Variants in ZFAND3 observed in about 807,000 individuals in gnomAD.
ZFAND3 encodes the protein zinc finger AN1-type containing 3.
A neutral mutation model predicts 29.6 loss-of-function variants in ZFAND3; 10 were observed. That is an observed-to-expected ratio of 0.34 (90% confidence interval 0.21 to 0.57). ZFAND3 has a LOEUF of 0.57. Among genes scored for constraint, ZFAND3 ranks in the 20% least tolerant of loss-of-function variants. The pLI, the probability that ZFAND3 is intolerant of heterozygous loss-of-function variation, is 0.86. For missense variants in ZFAND3, 230 were observed against 304.5 expected (o/e 0.76, Z 1.82); for synonymous variants, 128 against 112.6 (o/e 1.14, Z -0.87).
intron 1 of ZFAND3, among the ~76,000 whole-genome samples, chr6:37,835,835 C>G (rs1484805778): frequency 1.3e-5 from 2 of 152,182 alleles, no homozygotes; most frequent in Non-Finnish European, 2.9e-5. Context: ...TCCAAATGAG[C>G]ATATACATTT....
chr6:38,025,229 A>G (rs1763425017), intron 2 of ZFAND3, among the ~76,000 whole-genome samples: 1 of 152,216 alleles, frequency 6.6e-6, no homozygotes, highest in South Asian at 2.1e-4. Flanking sequence ...GGAATTCACA[A>G]GTCACATACT....
At chr6:38,082,335 C>CTA in intron 3 of ZFAND3, 57 bp from the exon 4 acceptor site, 1 of 1,482,658 alleles carries the variant, frequency 6.7e-7, no homozygotes, top group Admixed American at 1.9e-5. Flanking sequence ...AGGAAAGCAA[C>CTA]TATATGGGCA....
chr6:37,968,765 A>G (rs1762335123), intron 2 of ZFAND3, among the ~76,000 whole-genome samples: 1 of 152,048 alleles, frequency 6.6e-6, no homozygotes, highest in Admixed American at 6.5e-5. Flanking sequence ...CCTGGTCTCA[A>G]TTAAGTGATC....
chr6:38,006,531 G>A (rs1763052026), intron 2 of ZFAND3, among the ~76,000 whole-genome samples: 3 of 152,036 alleles, frequency 2.0e-5, no homozygotes, highest in Non-Finnish European at 4.4e-5. Flanking sequence ...ATGCAGCTAA[G>A]CATGGCTTCT....
At chr6:37,864,677 GTGTATATA>G (rs201046244) in intron 1 of ZFAND3, among the ~76,000 whole-genome samples, 2,173 of 152,014 alleles carry the variant, frequency 0.014, 42 homozygotes, top group African/African-American at 0.048. Context: ...GTGTATATGT[GTGTATATA>G]TGTATATATG....
At position 37,929,942 on chromosome 6, in the gene ZFAND3, C is replaced by A; in HGVS notation, c.72-17C>A. On this transcript the variant is annotated splice_polypyrimidine_tract_variant and intron_variant, in intron 1 of 5. Transcript: ENST00000287218. ...TTTTTAGCTCTTCTTTCTTTCTTTT[C>A]TTTTTGTTTGCCCCAGGTCCAGCAA... 1 of 1,585,064 alleles carries A rather than the reference C, an allele frequency of 6.3e-7. No individual in the cohort carries two copies. The highest frequency in any genetic ancestry group is 2.3e-5 in the East Asian group (1 of 44,434).
intron 1 of ZFAND3, among the ~76,000 whole-genome samples, chr6:37,883,409 C>T (rs1457844291): frequency 6.6e-6 from 1 of 152,144 alleles, no homozygotes; most frequent in Non-Finnish European, 1.5e-5. Context: ...GGATGGCCCC[C>T]ACCCCCTACC....
chr6:38,026,452 CAA>C (rs1245645235), intron 2 of ZFAND3, among the ~76,000 whole-genome samples: 2 of 91,262 alleles, frequency 2.2e-5, no homozygotes, highest in African/African-American at 9.1e-5. Context: ...TTTTTTGAGA[CAA>C]GAGTCTCACT....
intron 5 of ZFAND3, 145 bp from the exon 6 acceptor site, chr6:38,152,090 C>T (rs562084278): frequency 8.2e-6 from 6 of 730,578 alleles, no homozygotes; most frequent in Non-Finnish European, 2.1e-6. Context: ...GGAGTGAGCT[C>T]TCTGCTGCAT....
At chr6:38,006,384 A>T (rs1303499839) in intron 2 of ZFAND3, among the ~76,000 whole-genome samples, 1 of 152,166 alleles carries the variant, frequency 6.6e-6, no homozygotes, top group African/African-American at 2.4e-5. Context: ...TCTTTTTTAT[A>T]AAAAAATGTG....
intron 2 of ZFAND3, among the ~76,000 whole-genome samples, chr6:38,020,081 A>G (rs1193668002): frequency 2.6e-5 from 4 of 152,218 alleles, no homozygotes; most frequent in African/African-American, 7.2e-5. Flanking sequence ...ATGGGCCTGC[A>G]TGGCATAGAC....
At position 37,992,792 on chromosome 6, in the gene ZFAND3, C is replaced by T. The variant is rs572513635; in HGVS notation, c.112+62793C>T. Among the ~76,000 whole-genome samples, 25 of 152,150 alleles carry T rather than the reference C, an allele frequency of 1.6e-4. No individual in the cohort carries two copies. The East Asian group carries it at 2.1e-3, about 13-fold the overall frequency. ...ATTATGTCTCTCTTATTTTCATCTA[C>T]GCTGGTTCCTTTGACAAATTTTGGT... On this transcript the variant is annotated intron_variant, in intron 2 of 5. Coordinates refer to ENST00000287218, the MANE Select transcript of ZFAND3 (RefSeq NM_021943.3).
At chr6:37,962,013 A>G (rs946012372) in intron 2 of ZFAND3, among the ~76,000 whole-genome samples, 3 of 152,222 alleles carry the variant, frequency 2.0e-5, no homozygotes, top group Admixed American at 2.0e-4. Context: ...AAATCAACTA[A>G]ATAAGGCACC....
At chr6:37,822,779 C>A (rs1476870509) in intron 1 of ZFAND3, among the ~76,000 whole-genome samples, 1 of 152,106 alleles carries the variant, frequency 6.6e-6, no homozygotes, top group African/African-American at 2.4e-5. Flanking sequence ...GGCAGTGGGA[C>A]TAACATGGGT....
chr6:37,907,514 T>C (rs1194019575), intron 1 of ZFAND3, among the ~76,000 whole-genome samples: 1 of 152,340 alleles, frequency 6.6e-6, no homozygotes, highest in East Asian at 1.9e-4. Context: ...CTTCTCTCAC[T>C]GAACGTGTTT....
intron 2 of ZFAND3, among the ~76,000 whole-genome samples, 154 bp downstream of exon 2, chr6:37,930,153 A>G (rs1040551969): frequency 3.3e-5 from 5 of 151,940 alleles, no homozygotes; most frequent in Non-Finnish European, 5.9e-5. Flanking sequence ...CACCTTACCA[A>G]GGTGCTTCAT....
intron 1 of ZFAND3, among the ~76,000 whole-genome samples, chr6:37,893,946 C>T (rs1765150669): frequency 6.6e-6 from 1 of 151,914 alleles, no homozygotes; most frequent in Non-Finnish European, 1.5e-5. Context: ...TACACTGTTA[C>T]TAATTTTGCT....
intron 2 of ZFAND3, among the ~76,000 whole-genome samples, chr6:38,054,427 C>G (rs1471129065): frequency 6.8e-6 from 1 of 147,564 alleles, no homozygotes; most frequent in Non-Finnish European, 1.5e-5. Flanking sequence ...AGGAAGCACA[C>G]AAAAACCGTG....
At chr6:37,853,655 A>G (rs1764324007) in intron 1 of ZFAND3, among the ~76,000 whole-genome samples, 2 of 152,206 alleles carry the variant, frequency 1.3e-5, no homozygotes, top group South Asian at 4.1e-4. Flanking sequence ...AACTGCTGAT[A>G]TATAAAATAT....
Sources: gnomAD v4.1 joint callset for allele counts (sites outside exome capture counted in the v4.1 genomes callset) on GRCh38, gnomAD v4.1.1 for gene constraint, MANE v1.5 for transcripts, NCBI Gene and HGNC (gene_info 2026-07-23, HGNC 2026-07-21) for gene names.